MCEMP1: variants seen among roughly 807,000 people sequenced by gnomAD.
The protein encoded by MCEMP1 is mast cell-expressed membrane protein 1.
A neutral mutation model predicts 27.9 loss-of-function variants in MCEMP1; 17 were observed. That is an observed-to-expected ratio of 0.61 (90% CI 0.42 to 0.91). The LOEUF is 0.91. Ranked by LOEUF, MCEMP1 falls within the 40% of genes least tolerant of loss-of-function variation. The pLI is 0.00. For synonymous variants in MCEMP1, 88 were observed against 76.9 expected (o/e 1.14, Z -0.76); for missense variants, 200 against 204.8 (o/e 0.98, Z 0.14).
At position 7,678,593 on chromosome 19, in the gene MCEMP1, C is replaced by A. The variant is rs146064936; in HGVS notation, c.437C>A (p.Thr146Lys). 6.2e-7 allele frequency: 1 copy of A among 1,613,312 alleles called. No homozygotes were observed. The highest frequency in any genetic ancestry group is 8.5e-7 in the Non-Finnish European group (1 of 1,179,420). The change falls in exon 5 of 7, where the codon ACG becomes AAG. Residue 146 changes from threonine to lysine, a missense_variant. Transcript: ENST00000333598. This position sits in a 1 kb window ranked among gnomAD's most constrained non-coding sequence, Gnocchi z 4.8. ...MVRSKIDRLE[T>K]TLAGIKNIDT... Reference sequence around the variant, plus strand: ...AGGAGCAAGATTGATAGATTAGAGACGACATTAGCAGGTGCCTGTGTAGTC... The same window carrying A: ...AGGAGCAAGATTGATAGATTAGAGAAGACATTAGCAGGTGCCTGTGTAGTC...
Position 7,677,939 on chromosome 19 carries a change from G to A in MCEMP1, c.146-165G>A. On this transcript the variant is annotated intron_variant, in intron 2 of 6. Coordinates refer to ENST00000333598, the MANE Select transcript of MCEMP1 (RefSeq NM_174918.3). The surrounding 1 kb of genome is among the most constrained non-coding windows in gnomAD (Gnocchi z 4.6). ...GATGGTGACGGTGTTAGATCGCTGAGGGTGGCTGGTGGTGGCAGTGTTGTT... is the reference window on the plus strand; with the variant it reads ...GATGGTGACGGTGTTAGATCGCTGAAGGTGGCTGGTGGTGGCAGTGTTGTT... 2 of 1,166,072 alleles carry A rather than the reference G, an allele frequency of 1.7e-6. No individual in the cohort carries two copies. The highest frequency in any genetic ancestry group is 1.2e-6 in the Non-Finnish European group (1 of 822,594). 72.2% of individuals were successfully genotyped at this position (1,166,072 alleles called of 1,614,324 possible). A position where few individuals can be genotyped will look rare whatever the true frequency, so the allele number is the denominator to read the frequency against.
rs2032599366 is a variant in MCEMP1, at chr19:7,679,517, A to T, written c.*403A>T. On this transcript the variant is annotated 3_prime_UTR_variant, in exon 7 of 7. Transcript: ENST00000333598. This position sits in a 1 kb window ranked among gnomAD's most constrained non-coding sequence, Gnocchi z 4.9. ...TGGGTGGCTGTGTCTGAGCACCTCC[A>T]GCAGATGTCACTCTGAGTGTGGGTG... 1 of 222,704 alleles carries T rather than the reference A, an allele frequency of 4.5e-6. No homozygotes were observed. Among genetic ancestry groups the T allele is most frequent in the Non-Finnish European group, 8.8e-6 (1 of 113,404 alleles). The allele number at this position is 222,704 out of a possible 1,614,324, so 13.8% of individuals were successfully genotyped here. A position where few individuals can be genotyped will look rare whatever the true frequency, so the allele number is the denominator to read the frequency against.
In MCEMP1 at chr19:7,678,897, T is replaced by TCC; in HGVS notation, c.449-25_449-24dup. 2.3e-5 allele frequency: 23 copies of TCC among 993,900 alleles called. No individual in the cohort carries two copies. Among genetic ancestry groups the TCC allele is most frequent in the Non-Finnish European group, 2.8e-5 (18 of 644,746 alleles). 61.6% of individuals were successfully genotyped at this position (993,900 alleles called of 1,614,324 possible). On this transcript the variant is annotated intron_variant, in intron 5 of 6. Coordinates refer to ENST00000333598, the MANE Select transcript of MCEMP1 (RefSeq NM_174918.3). This position sits in a 1 kb window ranked among gnomAD's most constrained non-coding sequence, Gnocchi z 4.8. ...CTCCACCGCAGCTTGACTTATCTGT[T>TCC]CCCACCCAACCCTCCCCGCCCCCTA...
Position 7,678,479 on chromosome 19 carries a change from T to C in MCEMP1, c.335-12T>C. 1 of 1,613,898 alleles carries C rather than the reference T, an allele frequency of 6.2e-7. No homozygotes were observed. Among genetic ancestry groups the C allele is most frequent in the Non-Finnish European group, 8.5e-7 (1 of 1,179,822 alleles). ...GGATGGATGCACAGACACCCCTGTT[T>C]CATGCCCTCAGTCTCAAACTCCGTA... On this transcript the variant is annotated splice_polypyrimidine_tract_variant and intron_variant, in intron 4 of 6. Transcript: ENST00000333598. The surrounding 1 kb of genome is among the most constrained non-coding windows in gnomAD (Gnocchi z 4.8).
chr19:7,678,405 G>A lies in MCEMP1; in HGVS notation c.334+5G>A. ...TTAAAAGGGAGCTTTGGAATGGTGA[G>A]CGGAGGGTCTGAGGGAGACCCGTGG... On this transcript the variant is annotated splice_donor_5th_base_variant and intron_variant, in intron 4 of 6. Transcript: ENST00000333598. This position sits in a 1 kb window ranked among gnomAD's most constrained non-coding sequence, Gnocchi z 4.8. The A allele has an allele frequency of 6.2e-7, 1 of 1,614,122 alleles. No individual in the cohort carries two copies. The highest frequency in any genetic ancestry group is 1.7e-5 in the Admixed American group (1 of 60,014).
rs763241664 is a variant in MCEMP1 at position 7,677,175 on chromosome 19, G to A, written c.55G>A (p.Gly19Ser). 1 of 1,585,318 alleles carries A rather than the reference G, an allele frequency of 6.3e-7. No individual in the cohort carries two copies. The highest frequency in any genetic ancestry group is 8.6e-7 in the Non-Finnish European group (1 of 1,165,140). The change falls in exon 1 of 7, where the codon GGT (glycine) becomes AGT (serine). Residue 19 changes from glycine to serine, a missense_variant and splice_region_variant. Coordinates refer to ENST00000333598, the MANE Select transcript of MCEMP1 (RefSeq NM_174918.3). The surrounding 1 kb of genome is among the most constrained non-coding windows in gnomAD (Gnocchi z 4.6). ...KKQGVSAKNQGAHDPDYENIT... is the reference protein window; with the variant it reads ...KKQGVSAKNQSAHDPDYENIT... ...ACAGGGGGTCTCAGCCAAGAATCAA[G>A]GTTAGGGAACTCGAGGTGGAAGGGA...
In MCEMP1 at chr19:7,678,578, T is replaced by C. The variant is rs142736681; in HGVS notation, c.422T>C (p.Ile141Thr). Residue 141 changes from isoleucine (I) to threonine (T), a missense_variant, in exon 5 of 7, where the codon ATT (isoleucine) becomes ACT (threonine). Ile to Thr is a moderately conservative substitution (Grantham distance 89, BLOSUM62 -1). Transcript: ENST00000333598. This position sits in a 1 kb window ranked among gnomAD's most constrained non-coding sequence, Gnocchi z 4.8. ...QQSITMVRSK[I>T]DRLETTLAGI... ...AGCATCACCATGGTCAGGAGCAAGA[T>C]TGATAGATTAGAGACGACATTAGCA... The C allele has an allele frequency of 7.6e-5, 122 of 1,613,948 alleles. No homozygotes were observed. The East Asian group carries it at 7.8e-4, about 10-fold the overall frequency.
rs868010050 is a variant in MCEMP1, at chr19:7,677,594, C to G, written c.56-43C>G. ...GGTAAAACAAGATCCCGGATCCACTCTCCACACCACAGAGCTCTGAGCAGA... is the reference window on the plus strand; with the variant it reads ...GGTAAAACAAGATCCCGGATCCACTGTCCACACCACAGAGCTCTGAGCAGA... On this transcript the variant is annotated intron_variant, in intron 1 of 6. Transcript: ENST00000333598. The surrounding 1 kb of genome is among the most constrained non-coding windows in gnomAD (Gnocchi z 4.6). The G allele has an allele frequency of 4.5e-6, 7 of 1,543,566 alleles. 1 individual carries two copies. In the Middle Eastern group the frequency reaches 1.2e-3, roughly 261 times the overall value.
rs2032575630 is a variant in MCEMP1, at chr19:7,678,336, C to T, written c.284-14C>T. 3 of 1,613,962 alleles carry T rather than the reference C, an allele frequency of 1.9e-6. No individual in the cohort carries two copies. Among genetic ancestry groups the T allele is most frequent in the East Asian group, 2.2e-5 (1 of 44,880 alleles). On this transcript the variant is annotated splice_polypyrimidine_tract_variant and intron_variant, in intron 3 of 6. Transcript: ENST00000333598. The surrounding 1 kb of genome is among the most constrained non-coding windows in gnomAD (Gnocchi z 4.8). ...CCTGGGTGCTTCAAGGATTTTCCTG[C>T]CCCTCCTGAACAGATGCTGAGATGT... is the stretch of plus-strand genomic sequence containing the variant.
chr19:7,678,105 C>A lies in MCEMP1; in HGVS notation c.147C>A (p.Val49=), dbSNP rs779699332. The change falls in exon 3 of 7, where the codon GTC becomes GTA. Residue 49 remains valine (V), a splice_region_variant and synonymous_variant. Coordinates refer to ENST00000333598, the MANE Select transcript of MCEMP1 (RefSeq NM_174918.3). This position sits in a 1 kb window ranked among gnomAD's most constrained non-coding sequence, Gnocchi z 4.8. Reference sequence around the variant, plus strand: ...CACTTTGCTGCCTCTTTGCTCCAGTCCCAGCCCAGTGCAGGCCGCCCTCAG... The same window carrying A: ...CACTTTGCTGCCTCTTTGCTCCAGTACCAGCCCAGTGCAGGCCGCCCTCAG... ...KGGHSRPTSQ[V]PAQCRPPSDS... 1.9e-6 allele frequency: 3 copies of A among 1,599,228 alleles called. No individual in the cohort carries two copies. The highest frequency in any genetic ancestry group is 2.6e-6 in the Non-Finnish European group (3 of 1,173,492).
Position 7,678,207 on chromosome 19 carries a change from C to G in MCEMP1, c.249C>G (p.Leu83=), listed in dbSNP as rs762309852. The stretch of plus-strand genomic sequence containing the variant: ...TCCTCCTGGCCCTGGCCTTTGTCCT[C>G]TGCATCATCCTGTCAGCCTTCATCA... The part of the protein sequence containing the change: ...LYILLALAFV[L]CIILSAFIMV... The change falls in exon 3 of 7, where the codon CTC becomes CTG. Residue 83 remains leucine, a synonymous_variant. Transcript: ENST00000333598. The surrounding 1 kb of genome is among the most constrained non-coding windows in gnomAD (Gnocchi z 4.8). The G allele has an allele frequency of 6.2e-7, 1 of 1,614,134 alleles. No individual in the cohort carries two copies. The highest frequency in any genetic ancestry group is 8.5e-7 in the Non-Finnish European group (1 of 1,179,990).
Position 7,678,471 on chromosome 19 carries a change from C to T in MCEMP1, c.335-20C>T. 6.2e-7 allele frequency: 1 copy of T among 1,613,188 alleles called. No individual in the cohort carries two copies. The highest frequency in any genetic ancestry group is 8.5e-7 in the Non-Finnish European group (1 of 1,179,220). On this transcript the variant is annotated intron_variant, in intron 4 of 6. Transcript: ENST00000333598. The surrounding 1 kb of genome is among the most constrained non-coding windows in gnomAD (Gnocchi z 4.8). The stretch of plus-strand genomic sequence containing the variant: ...CTGGAGAGGGATGGATGCACAGACA[C>T]CCCTGTTTCATGCCCTCAGTCTCAA...
chr19:7,677,315 T>C lies in MCEMP1; in HGVS notation c.55+140T>C. On this transcript the variant is annotated intron_variant, in intron 1 of 6. Transcript: ENST00000333598. This position sits in a 1 kb window ranked among gnomAD's most constrained non-coding sequence, Gnocchi z 4.6. ...TGAGCCCTGGAGGTGGAGACTGGCC[T>C]GGGCAACATAGGGAGACTCTGTCTG... 1 of 725,794 alleles carries C rather than the reference T, an allele frequency of 1.4e-6. No individual in the cohort carries two copies. The highest frequency in any genetic ancestry group is 2.3e-6 in the Non-Finnish European group (1 of 433,504). The allele number at this position is 725,794 out of a possible 1,614,324, so 45.0% of individuals were successfully genotyped here.
chr19:7,678,902 C>T lies in MCEMP1; in HGVS notation c.449-22C>T, dbSNP rs1284628468. 6 of 1,161,340 alleles carry T rather than the reference C, an allele frequency of 5.2e-6. 1 individual carries two copies. In the East Asian group the frequency reaches 7.5e-5, roughly 15 times the overall value. The allele number at this position is 1,161,340 out of a possible 1,614,324, so 71.9% of individuals were successfully genotyped here. A position where few individuals can be genotyped will look rare whatever the true frequency, so the allele number is the denominator to read the frequency against. On this transcript the variant is annotated intron_variant, in intron 5 of 6. Transcript: ENST00000333598. The surrounding 1 kb of genome is among the most constrained non-coding windows in gnomAD (Gnocchi z 4.8). The stretch of plus-strand genomic sequence containing the variant: ...CCGCAGCTTGACTTATCTGTTCCCA[C>T]CCAACCCTCCCCGCCCCCTAGGCAT...
Position 7,679,183 on chromosome 19 carries a change from G to A in MCEMP1, c.*69G>A. The A allele has an allele frequency of 7.3e-7, 1 of 1,371,478 alleles. No homozygotes were observed. The highest frequency in any genetic ancestry group is 9.5e-7 in the Non-Finnish European group (1 of 1,056,368). The allele number at this position is 1,371,478 out of a possible 1,614,324, so 85.0% of individuals were successfully genotyped here. A position where few individuals can be genotyped will look rare whatever the true frequency, so the allele number is the denominator to read the frequency against. On this transcript the variant is annotated 3_prime_UTR_variant, in exon 7 of 7. Coordinates refer to ENST00000333598, the MANE Select transcript of MCEMP1 (RefSeq NM_174918.3). The surrounding 1 kb of genome is among the most constrained non-coding windows in gnomAD (Gnocchi z 4.9). ...GGGCTGCACCTGCCAACGAAGACGG[G>A]AAATGACCCCCCCCCCCCAGCCTAG...
chr19:7,678,463 C>T lies in MCEMP1; in HGVS notation c.335-28C>T, dbSNP rs2032578102. On this transcript the variant is annotated intron_variant, in intron 4 of 6. Transcript: ENST00000333598. This position sits in a 1 kb window ranked among gnomAD's most constrained non-coding sequence, Gnocchi z 4.8. Reference sequence around the variant, plus strand: ...GTGGGGGTCTGGAGAGGGATGGATGCACAGACACCCCTGTTTCATGCCCTC... The same window carrying T: ...GTGGGGGTCTGGAGAGGGATGGATGTACAGACACCCCTGTTTCATGCCCTC... 6.2e-7 allele frequency: 1 copy of T among 1,612,434 alleles called. No homozygotes were observed. The highest frequency in any genetic ancestry group is 1.1e-5 in the South Asian group (1 of 91,050).
In MCEMP1 at chr19:7,677,135, C is replaced by T. The variant is rs1265172915; in HGVS notation, c.15C>T (p.Ala5=). Residue 5 remains alanine, a synonymous_variant, in exon 1 of 7, where the codon GCC becomes GCT. Transcript: ENST00000333598. This position sits in a 1 kb window ranked among gnomAD's most constrained non-coding sequence, Gnocchi z 4.6. ...AGGAAGTCAAGATGCAAGCACCAGC[C>T]TTCAGGGACAAGAAACAGGGGGTCT... is the stretch of plus-strand genomic sequence containing the variant. MQAP[A]FRDKKQGVSA... 3.8e-6 allele frequency: 6 copies of T among 1,599,818 alleles called. 1 individual carries two copies. In the South Asian group the frequency reaches 6.8e-5, roughly 18 times the overall value.
chr19:7,677,437 ATGTGTGTGTGGATG>A lies in MCEMP1; in HGVS notation c.56-191_56-178del, dbSNP rs922241841. On this transcript the variant is annotated intron_variant, in intron 1 of 6. Transcript: ENST00000333598. This position sits in a 1 kb window ranked among gnomAD's most constrained non-coding sequence, Gnocchi z 4.6. ...GCTCCTTCCCCTCCAAGATGTGTGG[ATGTGTGTGTGGATG>A]TGTGTGTGGTGTGATCACTCAAACT... 7.4e-4 allele frequency among the ~76,000 whole-genome samples: 106 copies of A among 143,870 alleles called. No individual in the cohort carries two copies. The highest frequency in any genetic ancestry group is 8.4e-4 in the South Asian group (4 of 4,766). The allele number at this position is 143,870 out of a possible 152,430, so 94.4% of individuals were successfully genotyped here. A position where few individuals can be genotyped will look rare whatever the true frequency, so the allele number is the denominator to read the frequency against.
At position 7,678,174 on chromosome 19, in the gene MCEMP1, C is replaced by T. The variant is rs867829942; in HGVS notation, c.216C>T (p.Ser72=). The T allele has an allele frequency of 1.2e-6, 2 of 1,614,060 alleles. No homozygotes were observed. The highest frequency in any genetic ancestry group is 1.7e-6 in the Non-Finnish European group (2 of 1,179,962). The change falls in exon 3 of 7, where the codon AGC becomes AGT. Residue 72 remains serine, a synonymous_variant. Transcript: ENST00000333598. This position sits in a 1 kb window ranked among gnomAD's most constrained non-coding sequence, Gnocchi z 4.8. ...VPCWLYRAIL[S]LYILLALAFV... ...GCTGGTTGTACAGAGCCATCCTGAG[C>T]CTGTACATCCTCCTGGCCCTGGCCT...
Sources: allele counts gnomAD v4.1 joint callset (sites outside exome capture counted in the v4.1 genomes callset), GRCh38; gene constraint gnomAD v4.1.1; non-coding constraint Gnocchi (gnomAD v3.1); transcripts MANE v1.5; gene names NCBI Gene and HGNC (gene_info 2026-07-23, HGNC 2026-07-21).